Variants in AREL1 observed in about 807,000 individuals in gnomAD.
AREL1 encodes the protein apoptosis resistant E3 ubiquitin protein ligase 1.
AREL1 carries 62 observed loss-of-function variants against 99.0 expected under a neutral mutation model. The observed-to-expected ratio is 0.63, with a 90% CI of 0.51 to 0.77. The LOEUF is 0.77. AREL1 is among the 30% of genes least tolerant of loss of function. The pLI, the probability that AREL1 is intolerant of heterozygous loss-of-function variation, is 0.00. For missense variants in AREL1, 879 were observed against 1,027.6 expected (o/e 0.86, Z 1.98); for synonymous variants, 380 against 376.5 (o/e 1.01, Z -0.11).
At chr14:74,701,978 T>G (rs1292827640) in intron 1 of AREL1, among the ~76,000 whole-genome samples, 1 of 152,218 alleles carries the variant, frequency 6.6e-6, no homozygotes, top group Non-Finnish European at 1.5e-5. Flanking sequence ...CAGGTCACGC[T>G]GACACAAGAG....
At chr14:74,671,566 A>C in intron 11 of AREL1, 83 bp from the exon 12 acceptor site, 3 of 892,592 alleles carry the variant, frequency 3.4e-6, no homozygotes, top group Non-Finnish European at 5.2e-6. Flanking sequence ...GAGCACTGCC[A>C]TTGTCTGCTG....
intron 17 of AREL1, among the ~76,000 whole-genome samples, chr14:74,666,789 G>T (rs1298277716): frequency 6.7e-6 from 1 of 149,478 alleles, no homozygotes; most frequent in African/African-American, 2.5e-5. Flanking sequence ...GTGCGATCTC[G>T]GATCACTGCA....
intron 5 of AREL1, among the ~76,000 whole-genome samples, chr14:74,680,697 A>G (rs2089609167): frequency 6.6e-6 from 1 of 152,230 alleles, no homozygotes; most frequent in Non-Finnish European, 1.5e-5. Flanking sequence ...ACCACAGAAT[A>G]TACGTAGAGA....
At chr14:74,676,553 GCA>G in intron 6 of AREL1, 28 bp downstream of exon 6, 1 of 1,603,708 alleles carries the variant, frequency 6.2e-7, no homozygotes, top group Non-Finnish European at 8.5e-7. Flanking sequence ...GCTCTCTCTA[GCA>G]CACAGATAAA....
chr14:74,709,372 A>C (rs2139999345), intron 1 of AREL1, among the ~76,000 whole-genome samples: 1 of 152,386 alleles, frequency 6.6e-6, no homozygotes, highest in East Asian at 1.9e-4. Flanking sequence ...TAAATATTAC[A>C]CAACAGTACT....
At position 74,663,773 on chromosome 14, in the gene AREL1, T is replaced by C. The variant is rs777367895; in HGVS notation, c.2419A>G (p.Arg807Gly). 1.2e-6 allele frequency: 2 copies of C among 1,614,218 alleles called. No homozygotes were observed. Among genetic ancestry groups the C allele is most frequent in the Admixed American group, 3.3e-5 (2 of 60,028 alleles). Residue 807 changes from arginine to glycine, a missense_variant, in exon 20 of 20, where the codon AGG becomes GGG. By Grantham distance (125) the Arg-to-Gly change is moderately radical (BLOSUM62 -2). Transcript: ENST00000356357. The stretch of plus-strand genomic sequence containing the variant: ...TCGCTGATGGCCAGCTGCAGCATCC[T>C]GTGCACCTCTTCATAGGAGTCATAT... ...PTYDSYEEVHRMLQLAISEGC... is the reference protein window; with the variant it reads ...PTYDSYEEVHGMLQLAISEGC...
chr14:74,702,065 G>T (rs1594779889), intron 1 of AREL1, among the ~76,000 whole-genome samples: 1 of 152,280 alleles, frequency 6.6e-6, no homozygotes, highest in East Asian at 1.9e-4. Context: ...TGCTTTCGTG[G>T]GCTAGCACTG....
In AREL1 at chr14:74,669,993, G is replaced by T; in HGVS notation, c.1742C>A (p.Thr581Asn). The change falls in exon 14 of 20, where the codon ACC becomes AAC. Residue 581 changes from threonine to asparagine, a missense_variant. Transcript: ENST00000356357. ...AYKQLVRARF[T>N]RSFLAQIIGL... The stretch of plus-strand genomic sequence containing the variant: ...TATGATTTGGGCCAGGAAAGAGCGG[G>T]TGAAGCGAGCTCGGACCAACTGCTT... The T allele has an allele frequency of 6.2e-7, 1 of 1,613,910 alleles. No individual in the cohort carries two copies. Among genetic ancestry groups the T allele is most frequent in the Non-Finnish European group, 8.5e-7 (1 of 1,179,850 alleles).
chr14:74,668,715 GT>G (rs2089263006), intron 15 of AREL1, among the ~76,000 whole-genome samples: 1 of 151,942 alleles, frequency 6.6e-6, no homozygotes, highest in African/African-American at 2.4e-5. Flanking sequence ...CAGTATAGTG[GT>G]ACCAATGGTC....
chr14:74,684,610 T>C lies in AREL1; in HGVS notation c.87A>G (p.Val29=), dbSNP rs752015115. ...GGTCCTCATTCTGGAGGAAGCTGAC[T>C]ACACGTGCGGCAAGCTCAAAGAGGA... The part of the protein sequence containing the change: ...IKFLFELAAR[V]VSFLQNEDRE... The change falls in exon 4 of 20, where the codon GTA becomes GTG. Residue 29 remains valine, a synonymous_variant. Coordinates refer to ENST00000356357, the MANE Select transcript of AREL1 (RefSeq NM_001039479.2). The C allele has an allele frequency of 2.5e-6, 4 of 1,614,170 alleles. No individual in the cohort carries two copies. The highest frequency in any genetic ancestry group is 3.4e-6 in the Non-Finnish European group (4 of 1,180,034).
Position 74,678,170 on chromosome 14 carries a change from T to C in AREL1, c.482-1418A>G, listed in dbSNP as rs1422676843. On this transcript the variant is annotated intron_variant, in intron 5 of 19. Transcript: ENST00000356357. The stretch of plus-strand genomic sequence containing the variant: ...TTTGAAAAAGAAGAATAAAGTGGAG[T>C]CAGCTTACCAATTTCAAGACTTATT... The C allele has an allele frequency of 1.3e-5, 6 of 453,914 alleles. No individual in the cohort carries two copies. In the East Asian group the frequency reaches 4.2e-4, roughly 32 times the overall value. 28.1% of individuals were successfully genotyped at this position (453,914 alleles called of 1,614,324 possible).
intron 5 of AREL1, among the ~76,000 whole-genome samples, chr14:74,678,505 A>C (rs2089547296): frequency 1.3e-5 from 2 of 151,956 alleles, no homozygotes; most frequent in South Asian, 4.1e-4. Context: ...TCAAAAAAAA[A>C]AAAGAAAAGA....
chr14:74,704,455 G>C (rs911907874), intron 1 of AREL1, among the ~76,000 whole-genome samples: 1 of 152,010 alleles, frequency 6.6e-6, no homozygotes, highest in Admixed American at 6.6e-5. Flanking sequence ...GGGCTTCCAG[G>C]TGAGAAAAAT....
chr14:74,676,990 G>A (rs9323600), intron 5 of AREL1, among the ~76,000 whole-genome samples: 15 of 151,256 alleles, frequency 9.9e-5, no homozygotes, highest in Non-Finnish European at 1.5e-4. Context: ...TAGTGGAGAC[G>A]GGGTTTCACT....
intron 1 of AREL1, 56 bp from the exon 2 acceptor site, chr14:74,692,384 T>G: frequency 5.4e-6 from 2 of 367,374 alleles, no homozygotes; most frequent in Admixed American, 8.1e-5. Context: ...CTGAAAAGGA[T>G]TCCCCAGAAA....
chr14:74,673,253 A>G, intron 9 of AREL1, 35 bp from the exon 10 acceptor site: 2 of 1,609,592 alleles, frequency 1.2e-6, no homozygotes, highest in Non-Finnish European at 1.7e-6. Context: ...AATCTATAAA[A>G]CCCTCAAGGC....
intron 18 of AREL1, 122 bp from the exon 19 acceptor site, chr14:74,664,196 A>C: frequency 9.0e-7 from 1 of 1,116,074 alleles, no homozygotes; most frequent in Non-Finnish European, 1.3e-6. Context: ...ATGAGGACAC[A>C]GGGTAGGAAC....
Position 74,663,563 on chromosome 14 carries a change from A to G in AREL1, c.*157T>C, listed in dbSNP as rs578085826. 1.3e-6 allele frequency: 1 copy of G among 769,634 alleles called. No individual in the cohort carries two copies. The highest frequency in any genetic ancestry group is 1.6e-5 in the South Asian group (1 of 63,840). The allele number at this position is 769,634 out of a possible 1,614,324, so 47.7% of individuals were successfully genotyped here. The stretch of plus-strand genomic sequence containing the variant: ...TGGGCAGGGAGCAGGTGAGGTAAAG[A>G]CAAGGCTTGTAGGTGACAAAATCCT... On this transcript the variant is annotated 3_prime_UTR_variant, in exon 20 of 20. Transcript: ENST00000356357.
At chr14:74,697,944 C>T (rs1214676790) in intron 1 of AREL1, among the ~76,000 whole-genome samples, 1 of 152,106 alleles carries the variant, frequency 6.6e-6, no homozygotes, top group East Asian at 1.9e-4. Flanking sequence ...GGATAAATGA[C>T]CCATGTTCCT....
Sources: allele counts gnomAD v4.1 joint callset (sites outside exome capture counted in the v4.1 genomes callset), GRCh38; gene constraint gnomAD v4.1.1; transcripts MANE v1.5; gene names NCBI Gene and HGNC (gene_info 2026-07-23, HGNC 2026-07-21).